The following GRID2 variants were observed in gnomAD, a reference collection of about 807,000 sequenced individuals.
The protein encoded by GRID2 is glutamate receptor ionotropic, delta-2.
In GRID2, 33 loss-of-function variants were observed where a neutral mutation model predicts 114.8. The ratio of observed to expected loss-of-function variants is 0.29; its 90% CI spans 0.22 to 0.38. The LOEUF is 0.38. Among genes scored for constraint, GRID2 ranks in the 10% least tolerant of loss-of-function variants. GRID2 has a pLI of 1.00. For synonymous variants in GRID2, 505 were observed against 449.9 expected (o/e 1.12, Z -1.55); for missense variants, 1,184 against 1,257.7 (o/e 0.94, Z 0.89).
chr4:92,798,139 C>A (rs1578205158), intron 2 of GRID2, among the ~76,000 whole-genome samples: 1 of 151,924 alleles, frequency 6.6e-6, no homozygotes, highest in African/African-American at 2.4e-5. Context: ...ATTTGAAATG[C>A]TATTTTCTAT....
Position 93,189,511 on chromosome 4 carries a change from G to T in GRID2, c.736-17893G>T, listed in dbSNP as rs114327565. ...CCTTCATGACTAGGTTTCAACACAG[G>T]AATTTTGGAGGGATACAAACATTCA... On this transcript the variant is annotated intron_variant, in intron 4 of 15. Transcript: ENST00000282020. Among the ~76,000 whole-genome samples, 358 of 152,158 alleles carry T rather than the reference G, an allele frequency of 2.4e-3. 1 individual carries two copies. The highest frequency in any genetic ancestry group is 8.2e-3 in the African/African-American group (340 of 41,498).
chr4:92,934,455 T>A (rs575978137), intron 2 of GRID2, among the ~76,000 whole-genome samples: 6 of 146,524 alleles, frequency 4.1e-5, no homozygotes, highest in Non-Finnish European at 6.1e-5. Context: ...TTTCTAGATA[T>A]ACAATCCCAA....
At chr4:93,589,298 G>A (rs1362992789) in intron 13 of GRID2, among the ~76,000 whole-genome samples, 3 of 149,360 alleles carry the variant, frequency 2.0e-5, no homozygotes, top group Admixed American at 6.8e-5. Flanking sequence ...GAGAATATGT[G>A]GTGTTTGGTT....
intron 14 of GRID2, among the ~76,000 whole-genome samples, chr4:93,681,807 G>C (rs949239099): frequency 3.3e-5 from 5 of 152,104 alleles, no homozygotes; most frequent in Admixed American, 3.3e-4. Context: ...TTACATGTTA[G>C]ACCTAAAACC....
At chr4:93,006,637 T>A (rs1721561807) in intron 2 of GRID2, among the ~76,000 whole-genome samples, 1 of 150,222 alleles carries the variant, frequency 6.7e-6, no homozygotes, top group African/African-American at 2.4e-5. Flanking sequence ...CCGTATAATA[T>A]CAAAATATAA....
chr4:93,409,328 T>G (rs1011483193), intron 9 of GRID2, among the ~76,000 whole-genome samples: 1 of 152,140 alleles, frequency 6.6e-6, no homozygotes, highest in East Asian at 1.9e-4. Context: ...AATGTGTAGT[T>G]GATCTCCTTC....
chr4:93,705,662 T>C (rs1020606697), intron 14 of GRID2, among the ~76,000 whole-genome samples: 2 of 152,214 alleles, frequency 1.3e-5, no homozygotes, highest in Non-Finnish European at 2.9e-5. Flanking sequence ...TTGTTTACTT[T>C]GCCATGCAGA....
chr4:92,832,925 A>G (rs535168338), intron 2 of GRID2, among the ~76,000 whole-genome samples: 9 of 152,198 alleles, frequency 5.9e-5, no homozygotes, highest in African/African-American at 2.2e-4. Flanking sequence ...AAGAAATAAG[A>G]CGTTAATTAG....
At chr4:92,841,607 A>G (rs1742901252) in intron 2 of GRID2, among the ~76,000 whole-genome samples, 3 of 152,104 alleles carry the variant, frequency 2.0e-5, no homozygotes, top group African/African-American at 4.8e-5. Context: ...TCCTACAAAC[A>G]GGTGCAGCAT....
chr4:93,196,327 A>G (rs1432377173), intron 4 of GRID2, among the ~76,000 whole-genome samples: 1 of 152,208 alleles, frequency 6.6e-6, no homozygotes. Context: ...TGAGAATGAC[A>G]AAACACAAGT....
At chr4:92,589,000 G>T (rs1235288407) in intron 1 of GRID2, among the ~76,000 whole-genome samples, 1 of 152,028 alleles carries the variant, frequency 6.6e-6, no homozygotes, top group Non-Finnish European at 1.5e-5. Flanking sequence ...CAGCTACTCG[G>T]GAGGCTGAGG....
rs919681717 is a variant in GRID2 at position 92,365,599 on chromosome 4, C to T, written c.88+60855C>T. On this transcript the variant is annotated intron_variant, in intron 1 of 15. Transcript: ENST00000282020. ...GAAATCTATTCCACAACAATAGAAT[C>T]AATAATATTGTATTATATATTTCAA... Among the ~76,000 whole-genome samples, 4 of 151,670 alleles carry T rather than the reference C, an allele frequency of 2.6e-5. No individual in the cohort carries two copies. The East Asian group carries it at 7.8e-4, about 29-fold the overall frequency.
intron 1 of GRID2, among the ~76,000 whole-genome samples, chr4:92,340,535 T>C (rs1252935491): frequency 1.3e-5 from 2 of 152,160 alleles, no homozygotes; most frequent in African/African-American, 4.8e-5. Flanking sequence ...GTTCATGGCT[T>C]GGTGCCTTTC....
intron 1 of GRID2, among the ~76,000 whole-genome samples, chr4:92,424,560 GC>G (rs1478029721): frequency 2.6e-5 from 4 of 151,912 alleles, no homozygotes; most frequent in African/African-American, 9.7e-5. Context: ...TGACACATAA[GC>G]CACCAACATG....
At chr4:92,844,540 A>AATC (rs368354187) in intron 2 of GRID2, among the ~76,000 whole-genome samples, 2 of 151,754 alleles carry the variant, frequency 1.3e-5, no homozygotes, top group African/African-American at 2.4e-5. Flanking sequence ...CTCTGTCTCT[A>AATC]ATCATCATCA....
intron 1 of GRID2, among the ~76,000 whole-genome samples, chr4:92,544,089 T>C (rs1726116798): frequency 1.3e-5 from 2 of 152,180 alleles, no homozygotes. Flanking sequence ...CTTCTACTCA[T>C]GCTTAGTGGC....
exon 2 of GRID2, chr4:93,808,820 C>T (rs1735080239): frequency 1.3e-5 from 2 of 152,128 alleles, no homozygotes; most frequent in Admixed American, 1.3e-4. Context: ...GGGGAGTCAC[C>T]AGCCATTCCA....
At chr4:92,884,779 A>G (rs1746255592) in intron 2 of GRID2, 1 of 313,878 alleles carries the variant, frequency 3.2e-6, no homozygotes, top group Non-Finnish European at 6.5e-6. Flanking sequence ...GCTCTTCTCA[A>G]TTAATAATAA....
At chr4:93,705,332 T>C (rs1034248778) in intron 14 of GRID2, among the ~76,000 whole-genome samples, 1 of 151,894 alleles carries the variant, frequency 6.6e-6, no homozygotes, top group African/African-American at 2.4e-5. Flanking sequence ...TTTTTTCTTT[T>C]TTTTTTTCTT....
Sources: gnomAD v4.1 joint callset for allele counts (sites outside exome capture counted in the v4.1 genomes callset) on GRCh38, gnomAD v4.1.1 for gene constraint, MANE v1.5 for transcripts, NCBI Gene and HGNC (gene_info 2026-07-23, HGNC 2026-07-21) for gene names.